The following RORB variants were observed in gnomAD, a reference collection of about 807,000 sequenced individuals.
RORB encodes nuclear receptor ROR-beta.
Under a neutral mutation model 59.1 loss-of-function variants are expected in RORB, and 6 were observed. The ratio of observed to expected loss-of-function variants is 0.10; its 90% CI spans 0.06 to 0.20. RORB has a LOEUF of 0.20. Among genes scored for constraint, RORB ranks in the 10% least tolerant of loss-of-function variants. The pLI, the probability that RORB is intolerant of heterozygous loss-of-function variation, is 1.00. For missense variants in RORB, 320 were observed against 560.5 expected (o/e 0.57, Z 4.33); for synonymous variants, 215 against 204.5 (o/e 1.05, Z -0.44).
At chr9:74,535,545 C>T (rs978560079) in intron 1 of RORB, among the ~76,000 whole-genome samples, 3 of 151,876 alleles carry the variant, frequency 2.0e-5, no homozygotes, top group Admixed American at 6.6e-5. Flanking sequence ...ACCGCCCCCC[C>T]ACCCACACAC....
chr9:74,520,595 T>A (rs373941148), intron 1 of RORB, among the ~76,000 whole-genome samples: 26 of 152,046 alleles, frequency 1.7e-4, no homozygotes, highest in African/African-American at 6.3e-4. Context: ...TAAATTCAGA[T>A]GATAGTGAGA....
intron 1 of RORB, among the ~76,000 whole-genome samples, chr9:74,546,217 G>A (rs1038024052): frequency 6.6e-6 from 1 of 152,160 alleles, no homozygotes; most frequent in African/African-American, 2.4e-5. Flanking sequence ...GGTTCCCGTG[G>A]GAAAATGGTA....
intron 1 of RORB, among the ~76,000 whole-genome samples, chr9:74,582,738 C>T (rs1365966549): frequency 6.6e-6 from 1 of 152,146 alleles, no homozygotes; most frequent in African/African-American, 2.4e-5. Flanking sequence ...CTCACCCTGC[C>T]GTCTTGTGCC....
chr9:74,509,992 G>A lies in RORB; in HGVS notation c.7+12009G>A, dbSNP rs369890186. 8.5e-5 allele frequency among the ~76,000 whole-genome samples: 13 copies of A among 152,150 alleles called. No homozygotes were observed. In the East Asian group the frequency reaches 1.4e-3, roughly 16 times the overall value. Reference sequence around the variant, plus strand: ...CCTTACATCAAGCTATCATTTATGCGGTTGATTTTTATGCTTTCAAATGAA... The same window carrying A: ...CCTTACATCAAGCTATCATTTATGCAGTTGATTTTTATGCTTTCAAATGAA... On this transcript the variant is annotated intron_variant, in intron 1 of 9. Coordinates refer to ENST00000376896, the MANE Select transcript of RORB (RefSeq NM_006914.4).
At position 74,545,098 on chromosome 9, in the gene RORB, G is replaced by A. The variant is rs551898002; in HGVS notation, c.7+47115G>A. On this transcript the variant is annotated intron_variant, in intron 1 of 9. Coordinates refer to ENST00000376896, the MANE Select transcript of RORB (RefSeq NM_006914.4). ...TTCCCTTCTATGTTCACTGCGAGCA[G>A]GTTTTTTTTTTTTTGCGGCGCTTAT... Among the ~76,000 whole-genome samples the A allele has an allele frequency of 5.9e-5, 8 of 135,596 alleles. No individual in the cohort carries two copies. The South Asian group carries it at 1.7e-3, about 30-fold the overall frequency. The allele number at this position is 135,596 out of a possible 152,430, so 89.0% of individuals were successfully genotyped here.
At position 74,686,881 on chromosome 9, in the gene RORB, A is replaced by G. The variant is rs1824655748; in HGVS notation, c.*1263A>G. On this transcript the variant is annotated 3_prime_UTR_variant, in exon 10 of 10. Coordinates refer to ENST00000376896, the MANE Select transcript of RORB (RefSeq NM_006914.4). ...GTAGCAAAAACTTGACAGACTAGAA[A>G]AAAAAAGATCTGTGTTATTCTAGGG... 1 of 152,466 alleles carries G rather than the reference A, an allele frequency of 6.6e-6. No homozygotes were observed. Among genetic ancestry groups the G allele is most frequent in the Non-Finnish European group, 1.5e-5 (1 of 68,016 alleles). 9.4% of individuals were successfully genotyped at this position (152,466 alleles called of 1,614,324 possible).
chr9:74,630,504 T>C (rs1271148176), intron 2 of RORB, 137 bp downstream of exon 2: 1 of 499,706 alleles, frequency 2.0e-6, no homozygotes, highest in Non-Finnish European at 3.5e-6. Flanking sequence ...AATTCTTGCG[T>C]GGTGGGTGGG....
intron 4 of RORB, among the ~76,000 whole-genome samples, chr9:74,650,709 A>C (rs1052815865): frequency 6.6e-6 from 1 of 152,224 alleles, no homozygotes; most frequent in African/African-American, 2.4e-5. Flanking sequence ...GGTTTTCAGC[A>C]AGATTTGTTC....
intron 7 of RORB, among the ~76,000 whole-genome samples, chr9:74,666,108 G>A (rs1430166047): frequency 6.6e-6 from 1 of 152,058 alleles, no homozygotes; most frequent in African/African-American, 2.4e-5. Flanking sequence ...CCAACATGGT[G>A]AAAGCCAGTC....
At chr9:74,589,529 T>TA (rs1487373758) in intron 1 of RORB, among the ~76,000 whole-genome samples, 1 of 152,222 alleles carries the variant, frequency 6.6e-6, no homozygotes, top group Non-Finnish European at 1.5e-5. Context: ...TACCAAGACT[T>TA]ATCTCATAGG....
chr9:74,551,292 T>C (rs1418068176), intron 1 of RORB, among the ~76,000 whole-genome samples: 1 of 152,200 alleles, frequency 6.6e-6, no homozygotes, highest in Non-Finnish European at 1.5e-5. Flanking sequence ...TAAAGCACTT[T>C]ATGGCTTCTT....
At chr9:74,638,390 T>C (rs1477878603) in intron 3 of RORB, among the ~76,000 whole-genome samples, 3 of 152,208 alleles carry the variant, frequency 2.0e-5, no homozygotes, top group African/African-American at 4.8e-5. Flanking sequence ...TATTATGGGA[T>C]CAAAATGAGG....
chr9:74,618,271 A>G (rs751119099), intron 1 of RORB, among the ~76,000 whole-genome samples: 36 of 151,382 alleles, frequency 2.4e-4, no homozygotes, highest in Non-Finnish European at 1.5e-4. Flanking sequence ...AAAAAGGGAC[A>G]AATAACAATA....
At chr9:74,590,247 T>G (rs1307478690) in intron 1 of RORB, among the ~76,000 whole-genome samples, 1 of 152,178 alleles carries the variant, frequency 6.6e-6, no homozygotes, top group East Asian at 1.9e-4. Context: ...AGTCTTTTAT[T>G]TACCACTCTA....
rs1587408320 is a variant in RORB at position 74,654,944 on chromosome 9, G to T, written c.638-5673G>T. Among the ~76,000 whole-genome samples, 3 of 152,190 alleles carry T rather than the reference G, an allele frequency of 2.0e-5. No individual in the cohort carries two copies. In the South Asian group the frequency reaches 6.2e-4, roughly 31 times the overall value. ...TGATTGTTCATGAAATTAACAAATA[G>T]AAAATGAGGAATGTGGATTTAATAT... On this transcript the variant is annotated intron_variant, in intron 4 of 9. Coordinates refer to ENST00000376896, the MANE Select transcript of RORB (RefSeq NM_006914.4).
At chr9:74,615,452 C>A in intron 1 of RORB, 1 of 202,664 alleles carries the variant, frequency 4.9e-6, no homozygotes, top group Non-Finnish European at 1.1e-5. Context: ...TGAAATGGAG[C>A]CGTTGATGCC....
At chr9:74,524,641 A>C (rs4745330) in intron 1 of RORB, among the ~76,000 whole-genome samples, 46,071 of 151,830 alleles carry the variant, frequency 0.3, 8,828 homozygotes, top group Non-Finnish European at 0.42. Context: ...CATAATGTAA[A>C]TACTTTTTTT....
chr9:74,591,772 T>C (rs533179067), intron 1 of RORB, among the ~76,000 whole-genome samples: 57 of 152,274 alleles, frequency 3.7e-4, no homozygotes, highest in Non-Finnish European at 5.4e-4. Flanking sequence ...TTCCAGTAGA[T>C]AGATTAAATA....
At chr9:74,646,122 G>C (rs375430363) in intron 4 of RORB, among the ~76,000 whole-genome samples, 32 of 73,558 alleles carry the variant, frequency 4.4e-4, no homozygotes, top group African/African-American at 8.2e-4. Flanking sequence ...TTGAGATTAT[G>C]TCACACCAAA....
Sources: gnomAD v4.1 joint callset for allele counts (sites outside exome capture counted in the v4.1 genomes callset) on GRCh38, gnomAD v4.1.1 for gene constraint, MANE v1.5 for transcripts, NCBI Gene and HGNC (gene_info 2026-07-23, HGNC 2026-07-21) for gene names.